AGBL5: variants seen among roughly 807,000 people sequenced by gnomAD.
AGBL5 encodes the protein AGBL carboxypeptidase 5.
A neutral mutation model predicts 88.0 loss-of-function variants in AGBL5; 51 were observed. The ratio of observed to expected loss-of-function variants is 0.58; its 90% CI spans 0.46 to 0.73. The LOEUF (loss-of-function observed/expected upper bound fraction) is 0.73, where lower values mean the gene tolerates loss of function less well. AGBL5 is among the 30% of genes least tolerant of loss of function. AGBL5 has a pLI of 0.00. For synonymous variants in AGBL5, 446 were observed against 438.8 expected, an observed-to-expected ratio of 1.02 and a Z score of -0.21; for missense variants, 1,031 against 1,162.2, an observed-to-expected ratio of 0.89 and a Z score of 1.64.
chr2:27,051,198 G>C (rs915272363), upstream of AGBL5, among the ~76,000 whole-genome samples: 4 of 152,188 alleles, frequency 2.6e-5, no homozygotes, highest in East Asian at 1.9e-4. Context: ...CAAAGGGAAA[G>C]AACTAAGCAG....
Position 27,053,141 on chromosome 2 carries a change from CTGTG to C in AGBL5, c.184_187del (p.Cys62LeufsTer31). ...AATTCAACGTGTGGACCCGACCAGACTGTGCTGAAACGGAATTTGAGAATGGGAA... is the reference window on the plus strand; with the variant it reads ...AATTCAACGTGTGGACCCGACCAGACCTGAAACGGAATTTGAGAATGGGAA... On this transcript the variant is annotated frameshift_variant, in exon 2 of 15. Coordinates refer to ENST00000360131, the MANE Select transcript of AGBL5 (RefSeq NM_021831.6). LOFTEE classifies it high-confidence loss of function. This position sits in a 1 kb window ranked among gnomAD's most constrained non-coding sequence, Gnocchi z 4.9. The C allele has an allele frequency of 6.2e-7, 1 of 1,607,518 alleles. No individual in the cohort carries two copies. Among genetic ancestry groups the C allele is most frequent in the African/African-American group, 1.3e-5 (1 of 74,912 alleles).
In AGBL5 at chr2:27,059,285, A is replaced by G. The variant is rs745963182; in HGVS notation, c.1970A>G (p.Asn657Ser). 6.8e-6 allele frequency: 11 copies of G among 1,614,098 alleles called. No individual in the cohort carries two copies. In the African/African-American group the frequency reaches 1.5e-4, roughly 22 times the overall value. ...SAGGSSSSQQ[N>S]SPQMKNSPSF... ...GGTGGTAGCAGCAGCAGCCAACAAA[A>G]TTCTCCACAGATGAAGAATTCCCCC... The change falls in exon 11 of 15, where the codon AAT becomes AGT. Residue 657 changes from asparagine to serine, a missense_variant. Transcript: ENST00000360131.
At chr2:27,062,696 C>T (rs991060085) in intron 11 of AGBL5, 6 of 152,104 alleles carry the variant, frequency 3.9e-5, no homozygotes, top group African/African-American at 9.7e-5. Context: ...TGGATAAACA[C>T]AAGAGTAATT....
chr2:27,057,535 A>G, intron 9 of AGBL5, 97 bp downstream of exon 9: 1 of 1,355,540 alleles, frequency 7.4e-7, no homozygotes. Context: ...TTGAAGAGAT[A>G]TTCATCACTA....
intron 4 of AGBL5, 55 bp from the exon 5 acceptor site, chr2:27,054,571 GCCTA>G: frequency 6.5e-7 from 1 of 1,532,510 alleles, no homozygotes; most frequent in South Asian, 1.2e-5. Context: ...TGGTGACAAG[GCCTA>G]CCTCTTACTA....
intron 10 of AGBL5, 68 bp downstream of exon 10, chr2:27,058,670 C>A: frequency 6.5e-7 from 1 of 1,532,708 alleles, no homozygotes; most frequent in Admixed American, 1.8e-5. Context: ...CTAGGAGTTC[C>A]AAGGGATTTA....
rs1668306278 is a variant in AGBL5 at position 27,054,016 on chromosome 2, C to T, written c.508C>T (p.Gln170Ter). 1.2e-6 allele frequency: 2 copies of T among 1,614,106 alleles called. No individual in the cohort carries two copies. Among genetic ancestry groups the T allele is most frequent in the Non-Finnish European group, 1.7e-6 (2 of 1,179,980 alleles). The change falls in exon 4 of 15, where the codon CAG becomes TAG. Residue 170 changes from glutamine to a stop codon, truncating the protein, a stop_gained. Transcript: ENST00000360131. LOFTEE classifies it high-confidence loss of function. ...SYSDCQELLN[Q>*]LDQRFPENHP... is the part of the protein sequence containing the mutation. Reference sequence around the variant, plus strand: ...CAGTGACTGCCAGGAACTGCTAAACCAGCTAGACCAGCGCTTTCCGGAGAA... The same window carrying T: ...CAGTGACTGCCAGGAACTGCTAAACTAGCTAGACCAGCGCTTTCCGGAGAA...
chr2:27,069,190 G>T (rs774386340), intron 13 of AGBL5: 179 of 1,348,628 alleles, frequency 1.3e-4, no homozygotes, highest in Non-Finnish European at 1.6e-4. Flanking sequence ...ATAGGCAGAG[G>T]CTGACTGGAT....
At position 27,069,562 on chromosome 2, in the gene AGBL5, T is replaced by C. The variant is rs749867480; in HGVS notation, c.2356-11T>C. The C allele has an allele frequency of 1.9e-6, 3 of 1,612,110 alleles. No homozygotes were observed. Among genetic ancestry groups the C allele is most frequent in the South Asian group, 2.2e-5 (2 of 91,036 alleles). On this transcript the variant is annotated splice_polypyrimidine_tract_variant and intron_variant, in intron 13 of 14. Transcript: ENST00000360131. ...GAATCCAGCCTCTTAGCGCAAACCC[T>C]GTCCACACAGGCTAGGCCCAGGTTG...
At chr2:27,067,439 C>T in intron 11 of AGBL5, 55 bp from the exon 12 acceptor site, 1 of 1,575,258 alleles carries the variant, frequency 6.3e-7, no homozygotes, top group Non-Finnish European at 8.7e-7. Context: ...GTGAAGGCTG[C>T]CTCATAGTGC....
At chr2:27,065,811 A>C (rs1668957788) in intron 11 of AGBL5, among the ~76,000 whole-genome samples, 1 of 152,212 alleles carries the variant, frequency 6.6e-6, no homozygotes, top group Non-Finnish European at 1.5e-5. Context: ...CTAGAAAAGG[A>C]AACAGTTCCA....
chr2:27,055,529 A>G (rs1668381946), intron 6 of AGBL5, 153 bp from the exon 7 acceptor site: 2 of 846,860 alleles, frequency 2.4e-6, no homozygotes, highest in South Asian at 1.8e-5. Flanking sequence ...AGCAGATCAA[A>G]GAGAGGCCCT....
In AGBL5 at chr2:27,055,837, G is replaced by C. The variant is rs921522314; in HGVS notation, c.1064G>C (p.Cys355Ser). The change falls in exon 7 of 15, where the codon TGT (cysteine) becomes TCT (serine). Residue 355 changes from cysteine to serine, a missense_variant. Cys to Ser is a moderately radical substitution (Grantham distance 112). Transcript: ENST00000360131. ...QSSSEHQPSS[C>S]LPPDAPVSDL... ...TCCTCTGAGCACCAGCCCAGTTCCT[G>C]TCTCCCTCCTGATGCTCCTGTTTCT... 1 of 1,614,174 alleles carries C rather than the reference G, an allele frequency of 6.2e-7. No individual in the cohort carries two copies. Among genetic ancestry groups the C allele is most frequent in the African/African-American group, 1.3e-5 (1 of 75,042 alleles).
rs1669054614 is a variant in AGBL5 at position 27,067,576 on chromosome 2, TACTA to T, written c.2173_2176del (p.Thr725ValfsTer40). 1.2e-6 allele frequency: 2 copies of T among 1,614,006 alleles called. No individual in the cohort carries two copies. Among genetic ancestry groups the T allele is most frequent in the African/African-American group, 2.7e-5 (2 of 74,908 alleles). ...GCAGCCTCGCTCCATCCCCAGCTCC[TACTA>T]GTTCTGGCCCAGCCTCCTCACACAA... On this transcript the variant is annotated frameshift_variant, in exon 12 of 15. Transcript: ENST00000360131. LOFTEE classifies it high-confidence loss of function.
At chr2:27,054,207 GA>G in intron 4 of AGBL5, 148 bp downstream of exon 4, 1 of 1,004,586 alleles carries the variant, frequency 1.0e-6, no homozygotes, top group Non-Finnish European at 1.4e-6. Flanking sequence ...GGGTACCTTT[GA>G]AAACTATGTT....
At chr2:27,066,957 C>T (rs933963608) in intron 11 of AGBL5, among the ~76,000 whole-genome samples, 9 of 151,910 alleles carry the variant, frequency 5.9e-5, no homozygotes, top group Non-Finnish European at 1.0e-4. Context: ...GTGGCATGCG[C>T]CTGTAATCCC....
chr2:27,058,588 A>G lies in AGBL5; in HGVS notation c.1860A>G (p.Pro620=), dbSNP rs1159850045. The G allele has an allele frequency of 6.2e-7, 1 of 1,614,028 alleles. No individual in the cohort carries two copies. The highest frequency in any genetic ancestry group is 8.5e-7 in the Non-Finnish European group (1 of 1,180,018). ...GVNKKRGLRT[P]PKSHNGLPVS... The stretch of plus-strand genomic sequence containing the variant: ...ACAAGAAGAGGGGCCTTCGAACTCC[A>G]CCCAAAAGTCACAAGTAAGGCCAGC... The change falls in exon 10 of 15, where the codon CCA becomes CCG. Residue 620 remains proline (P), a synonymous_variant. Coordinates refer to ENST00000360131, the MANE Select transcript of AGBL5 (RefSeq NM_021831.6).
At chr2:27,068,087 T>C (rs552071979) in intron 12 of AGBL5, among the ~76,000 whole-genome samples, 17 of 152,314 alleles carry the variant, frequency 1.1e-4, no homozygotes, top group South Asian at 2.1e-4. Flanking sequence ...CTTTAAATTA[T>C]AGACCCAGCT....
At position 27,055,252 on chromosome 2, in the gene AGBL5, C is replaced by A. The variant is rs887824792; in HGVS notation, c.907C>A (p.Arg303Ser). The change falls in exon 6 of 15, where the codon CGC (arginine) becomes AGC (serine). Residue 303 changes from arginine (R) to serine (S), a missense_variant and splice_region_variant. By Grantham distance (110) the Arg-to-Ser change is moderately radical. Coordinates refer to ENST00000360131, the MANE Select transcript of AGBL5 (RefSeq NM_021831.6). The stretch of plus-strand genomic sequence containing the variant: ...CGATGGTGTGGTCCGGGGACACTAC[C>A]GGTAAGTGGCTTCCCCAGCCTGTCT... ...NPDGVVRGHY[R>S]TDSRGVNLNR... is the part of the protein sequence containing the mutation. The A allele has an allele frequency of 6.2e-7, 1 of 1,613,684 alleles. No homozygotes were observed. The highest frequency in any genetic ancestry group is 8.5e-7 in the Non-Finnish European group (1 of 1,179,762).
Sources: gnomAD v4.1 joint callset for allele counts (sites outside exome capture counted in the v4.1 genomes callset) on GRCh38, gnomAD v4.1.1 for gene constraint, Gnocchi (gnomAD v3.1) non-coding constraint, MANE v1.5 for transcripts, NCBI Gene and HGNC (gene_info 2026-07-23, HGNC 2026-07-21) for gene names.